The following TPST1 variants were observed in gnomAD, a reference collection of about 807,000 sequenced individuals.
TPST1 encodes protein-tyrosine sulfotransferase 1.
Under a neutral mutation model 34.8 loss-of-function variants are expected in TPST1, and 20 were observed. The ratio of observed to expected loss-of-function variants is 0.57; its 90% confidence interval spans 0.40 to 0.84. The LOEUF (loss-of-function observed/expected upper bound fraction) is 0.84. Among genes scored for constraint, TPST1 ranks in the 40% least tolerant of loss-of-function variants. The pLI, the probability that TPST1 is intolerant of heterozygous loss-of-function variation, is 0.00. For synonymous variants in TPST1, 152 were observed against 159.4 expected, an observed-to-expected ratio of 0.95 and a Z score of 0.35; for missense variants, 353 against 455.5, an observed-to-expected ratio of 0.78 and a Z score of 2.05.
chr7:66,310,803 G>GTATTTATT (rs56696715), intron 3 of TPST1, among the ~76,000 whole-genome samples: 32,194 of 146,954 alleles, frequency 0.22, 3,995 homozygotes, highest in African/African-American at 0.32. Context: ...AATTTGAAGA[G>GTATTTATT]TATTTATTTA....
At chr7:66,199,967 T>A in the TPST1 span, among the ~76,000 whole-genome samples, 1 of 151,814 alleles carries the variant, frequency 6.6e-6, no homozygotes, top group African/African-American at 2.4e-5. Context: ...CCTCACCTCG[T>A]GATCTGCCCG....
intron 4 of TPST1, among the ~76,000 whole-genome samples, chr7:66,354,293 G>T (rs941098660): frequency 2.6e-5 from 4 of 152,034 alleles, no homozygotes; most frequent in African/African-American, 9.7e-5. Context: ...ATTCCAAGAG[G>T]CTGTCTTGAA....
At chr7:66,296,489 A>G (rs558414018) in intron 3 of TPST1, among the ~76,000 whole-genome samples, 13 of 152,188 alleles carry the variant, frequency 8.5e-5, no homozygotes, top group African/African-American at 2.9e-4. Flanking sequence ...ACTGATGATC[A>G]TGAGGTTTTT....
chr7:66,287,125 A>G (rs1434789426), intron 3 of TPST1, among the ~76,000 whole-genome samples: 2 of 140,864 alleles, frequency 1.4e-5, no homozygotes, highest in Admixed American at 1.5e-4. Context: ...TGTTCTTGCA[A>G]TAGTTTACTG....
chr7:66,270,597 A>G (rs1215467178), intron 2 of TPST1, among the ~76,000 whole-genome samples: 3 of 152,220 alleles, frequency 2.0e-5, no homozygotes, highest in Admixed American at 1.3e-4. Context: ...CAAGTGATCC[A>G]TTCCTTTCTT....
At chr7:66,311,091 C>G (rs1481393743) in intron 3 of TPST1, among the ~76,000 whole-genome samples, 2 of 151,840 alleles carry the variant, frequency 1.3e-5, no homozygotes, top group Admixed American at 6.6e-5. Flanking sequence ...ATTTCCTCAA[C>G]TTGGCAGGAT....
At chr7:66,237,591 G>A (rs1185677310) in intron 1 of TPST1, among the ~76,000 whole-genome samples, 1 of 152,136 alleles carries the variant, frequency 6.6e-6, no homozygotes, top group Admixed American at 6.5e-5. Context: ...CCCTGTGTTA[G>A]GGTTTTACAG....
chr7:66,200,285 G>A, the TPST1 span, among the ~76,000 whole-genome samples: 2 of 152,168 alleles, frequency 1.3e-5, no homozygotes, highest in African/African-American at 4.8e-5. Context: ...CACTGGGATG[G>A]CAGCAAGCAC....
chr7:66,359,876 TTC>T lies in TPST1; in HGVS notation c.*30-17_*30-16del, dbSNP rs1169145673. The T allele has an allele frequency of 1.1e-5, 5 of 456,488 alleles. No homozygotes were observed. The highest frequency in any genetic ancestry group is 6.9e-5 in the East Asian group (1 of 14,396). The allele number at this position is 456,488 out of a possible 1,614,324, so 28.3% of individuals were successfully genotyped here. A position where few individuals can be genotyped will look rare whatever the true frequency, so the allele number is the denominator to read the frequency against. Reference sequence around the variant, plus strand: ...CCGGGACTCCACACCTGTAACCACATTCTGTTTGTTCGCCCTAGGAAAGATTG... The same window carrying T: ...CCGGGACTCCACACCTGTAACCACATTGTTTGTTCGCCCTAGGAAAGATTG... On this transcript the variant is annotated splice_polypyrimidine_tract_variant and intron_variant, in intron 5 of 5. Coordinates refer to ENST00000304842, the MANE Select transcript of TPST1 (RefSeq NM_003596.4).
chr7:66,317,693 T>C (rs1791662930), intron 3 of TPST1, among the ~76,000 whole-genome samples: 1 of 152,106 alleles, frequency 6.6e-6, no homozygotes, highest in Non-Finnish European at 1.5e-5. Context: ...TTTATTGGGA[T>C]TGCAGACCTA....
chr7:66,255,594 A>G (rs1033197777), intron 2 of TPST1, among the ~76,000 whole-genome samples: 7 of 152,204 alleles, frequency 4.6e-5, no homozygotes, highest in Non-Finnish European at 1.0e-4. Flanking sequence ...GTGTGTCACT[A>G]AAGTAGAGGT....
chr7:66,215,529 C>T (rs1470028685), intron 1 of TPST1, among the ~76,000 whole-genome samples: 3 of 149,882 alleles, frequency 2.0e-5, no homozygotes, highest in Non-Finnish European at 4.4e-5. Context: ...TGCCTGCCAC[C>T]ACGCCCAGCT....
At chr7:66,352,899 A>G (rs2116391737) in intron 4 of TPST1, 1 of 985,474 alleles carries the variant, frequency 1.0e-6, no homozygotes, top group East Asian at 1.1e-4. Flanking sequence ...AAAAATGTTC[A>G]GCGACCCTCT....
chr7:66,214,498 A>G (rs1562797754), intron 1 of TPST1, among the ~76,000 whole-genome samples: 1 of 151,820 alleles, frequency 6.6e-6, no homozygotes, highest in Admixed American at 6.6e-5. Context: ...TTGGCTGTAT[A>G]TGTAATGAGT....
chr7:66,310,056 A>C (rs1269203006), intron 3 of TPST1, among the ~76,000 whole-genome samples: 1 of 152,194 alleles, frequency 6.6e-6, no homozygotes, highest in Non-Finnish European at 1.5e-5. Flanking sequence ...CCTGGCTAGC[A>C]AAGGTAGTCT....
At chr7:66,310,310 T>A (rs1388466251) in intron 3 of TPST1, among the ~76,000 whole-genome samples, 12 of 152,208 alleles carry the variant, frequency 7.9e-5, no homozygotes, top group Non-Finnish European at 1.8e-4. Context: ...TGCTTAGCCC[T>A]GCTGCAGCCA....
intron 3 of TPST1, among the ~76,000 whole-genome samples, chr7:66,313,301 G>A (rs562718415): frequency 2.9e-4 from 44 of 152,232 alleles, no homozygotes; most frequent in African/African-American, 9.9e-4. Context: ...TATAATCCCA[G>A]CTACTCGGGA....
At chr7:66,324,019 C>T (rs1442281623) in intron 3 of TPST1, among the ~76,000 whole-genome samples, 2 of 152,050 alleles carry the variant, frequency 1.3e-5, no homozygotes, top group East Asian at 3.8e-4. Flanking sequence ...AATGGGTAAA[C>T]AAAATGTGGT....
intron 3 of TPST1, among the ~76,000 whole-genome samples, chr7:66,293,494 C>T (rs1791130058): frequency 6.6e-6 from 1 of 152,072 alleles, no homozygotes; most frequent in Non-Finnish European, 1.5e-5. Flanking sequence ...CAGAGCAAGA[C>T]CCCGTCTCAA....
Sources: gnomAD v4.1 joint callset for allele counts (sites outside exome capture counted in the v4.1 genomes callset) on GRCh38, gnomAD v4.1.1 for gene constraint, MANE v1.5 for transcripts, NCBI Gene and HGNC (gene_info 2026-07-23, HGNC 2026-07-21) for gene names.